SLCO5A1: variants seen among roughly 807,000 people sequenced by gnomAD.
The protein encoded by SLCO5A1 is organic anion transporter polypeptide-related protein 4.
In SLCO5A1, 39 loss-of-function variants were observed where a neutral mutation model predicts 65.1. The observed-to-expected ratio is 0.60, with a 90% CI of 0.46 to 0.78. SLCO5A1 has a LOEUF of 0.78. SLCO5A1 is among the 30% of genes least tolerant of loss of function. The pLI, the probability that SLCO5A1 is intolerant of heterozygous loss-of-function variation, is 0.00. For missense variants in SLCO5A1, 1,029 were observed against 1,069.4 expected (o/e 0.96, Z 0.53); for synonymous variants, 438 against 415.7 (o/e 1.05, Z -0.65).
At chr8:69,813,242 TA>T (rs2130913130) in intron 2 of SLCO5A1, among the ~76,000 whole-genome samples, 1 of 152,254 alleles carries the variant, frequency 6.6e-6, no homozygotes, top group Admixed American at 6.5e-5. Context: ...TGTAAGAATT[TA>T]AAGTGAAAAA....
At chr8:69,807,109 A>G (rs1269035141) in intron 2 of SLCO5A1, among the ~76,000 whole-genome samples, 2 of 152,270 alleles carry the variant, frequency 1.3e-5, no homozygotes, top group Admixed American at 1.3e-4. Context: ...GGGCAACGGA[A>G]ACTCAAAACA....
chr8:69,682,371 G>A, intron 6 of SLCO5A1, 28 bp from the exon 7 acceptor site: 1 of 1,511,498 alleles, frequency 6.6e-7, no homozygotes, highest in Non-Finnish European at 8.8e-7. Context: ...CAGATCATGA[G>A]CAACACTTAC....
chr8:69,680,298 C>T (rs563939545), intron 7 of SLCO5A1, among the ~76,000 whole-genome samples: 11 of 152,330 alleles, frequency 7.2e-5, no homozygotes, highest in African/African-American at 1.7e-4. Flanking sequence ...TCTCCACCCT[C>T]TAGTAGTCTC....
intron 2 of SLCO5A1, among the ~76,000 whole-genome samples, chr8:69,776,205 T>C (rs573732599): frequency 1.3e-5 from 2 of 152,296 alleles, no homozygotes; most frequent in South Asian, 4.1e-4. Flanking sequence ...TGGTAACATT[T>C]ATCACTATAT....
intron 2 of SLCO5A1, among the ~76,000 whole-genome samples, chr8:69,799,351 G>A (rs1378607201): frequency 2.0e-5 from 3 of 152,126 alleles, no homozygotes; most frequent in Non-Finnish European, 1.5e-5. Context: ...CTCAAGAAAT[G>A]TGTATTTCAA....
intron 5 of SLCO5A1, among the ~76,000 whole-genome samples, chr8:69,731,156 C>T (rs774284385): frequency 4.6e-5 from 7 of 152,134 alleles, no homozygotes; most frequent in East Asian, 1.9e-4. Context: ...CGTGTCACCA[C>T]GCCTGGCTAA....
At position 69,677,371 on chromosome 8, in the gene SLCO5A1, A is replaced by C. The variant is rs565145020; in HGVS notation, c.2025-698T>G. ...GCCAACTGGCGATTTGCCATTTATG[A>C]ACACCAAAAGAAAAAGTAGCCAATG... On this transcript the variant is annotated intron_variant, in intron 8 of 9. Transcript: ENST00000260126. 2.0e-3 allele frequency among the ~76,000 whole-genome samples: 303 copies of C among 152,338 alleles called. 1 individual carries two copies. The highest frequency in any genetic ancestry group is 7.1e-3 in the African/African-American group (295 of 41,580).
At chr8:69,744,874 T>C (rs979880101) in intron 4 of SLCO5A1, among the ~76,000 whole-genome samples, 6 of 152,124 alleles carry the variant, frequency 3.9e-5, no homozygotes, top group Non-Finnish European at 5.9e-5. Context: ...TCACTGAAAA[T>C]AGAAAATTAT....
chr8:69,747,791 T>C (rs1238365968), intron 4 of SLCO5A1, among the ~76,000 whole-genome samples: 4 of 152,324 alleles, frequency 2.6e-5, no homozygotes, highest in African/African-American at 9.6e-5. Context: ...TGAAAAAATA[T>C]GATCGTCCTG....
chr8:69,809,679 T>C (rs988776778), intron 2 of SLCO5A1, among the ~76,000 whole-genome samples: 2 of 152,084 alleles, frequency 1.3e-5, no homozygotes, highest in Non-Finnish European at 2.9e-5. Context: ...TTATGATTAT[T>C]ATTATTATGC....
chr8:69,677,985 T>G (rs572178872), intron 8 of SLCO5A1, among the ~76,000 whole-genome samples: 2 of 152,316 alleles, frequency 1.3e-5, no homozygotes, highest in African/African-American at 4.8e-5. Flanking sequence ...GGTGAGCTCT[T>G]CTGGCTTCAC....
At chr8:69,676,695 A>C (rs2130784584) in intron 8 of SLCO5A1, 22 bp from the exon 9 acceptor site, 1 of 1,603,400 alleles carries the variant, frequency 6.2e-7, no homozygotes, top group East Asian at 2.2e-5. Context: ...GGAAAGAAGG[A>C]AATGCATTTT....
At chr8:69,829,115 A>C (rs1328410461) in intron 2 of SLCO5A1, among the ~76,000 whole-genome samples, 1 of 152,234 alleles carries the variant, frequency 6.6e-6, no homozygotes, top group Non-Finnish European at 1.5e-5. Flanking sequence ...AGACCCACCA[A>C]TCACTCACCC....
chr8:69,703,504 G>A (rs1814839846), intron 6 of SLCO5A1, among the ~76,000 whole-genome samples: 1 of 152,282 alleles, frequency 6.6e-6, no homozygotes, highest in African/African-American at 2.4e-5. Flanking sequence ...AACATAGTGA[G>A]ACGATGTCTA....
intron 6 of SLCO5A1, among the ~76,000 whole-genome samples, chr8:69,687,641 T>A (rs1377364601): frequency 6.6e-6 from 1 of 152,128 alleles, no homozygotes; most frequent in Non-Finnish European, 1.5e-5. Context: ...AAAATTAAAC[T>A]CATGCATAGT....
chr8:69,821,600 G>C (rs1019462929), intron 2 of SLCO5A1, among the ~76,000 whole-genome samples: 1 of 152,060 alleles, frequency 6.6e-6, no homozygotes, highest in African/African-American at 2.4e-5. Flanking sequence ...CTTGAGGCTA[G>C]GAGTTCAAGA....
chr8:69,793,502 G>A (rs536728230), intron 2 of SLCO5A1, among the ~76,000 whole-genome samples: 7 of 152,048 alleles, frequency 4.6e-5, no homozygotes, highest in Admixed American at 2.0e-4. Flanking sequence ...GGTGGCTCAC[G>A]CCTGTTATCT....
At chr8:69,730,699 T>G (rs1445029322) in intron 5 of SLCO5A1, among the ~76,000 whole-genome samples, 1 of 152,188 alleles carries the variant, frequency 6.6e-6, no homozygotes, top group Non-Finnish European at 1.5e-5. Context: ...GAGGATGGTT[T>G]GTACCAGCTT....
chr8:69,691,272 A>C (rs974847839), intron 6 of SLCO5A1, among the ~76,000 whole-genome samples: 2 of 152,144 alleles, frequency 1.3e-5, no homozygotes, highest in African/African-American at 4.8e-5. Flanking sequence ...ATTTTGCTAG[A>C]GCTCTCACGA....
Sources: gnomAD v4.1 joint callset for allele counts (sites outside exome capture counted in the v4.1 genomes callset) on GRCh38, gnomAD v4.1.1 for gene constraint, MANE v1.5 for transcripts, NCBI Gene and HGNC (gene_info 2026-07-23, HGNC 2026-07-21) for gene names.